The following EPB42 variants were observed in gnomAD, a reference collection of about 807,000 sequenced individuals.
EPB42 encodes protein 4.2.
In EPB42, 49 loss-of-function variants were observed where a neutral mutation model predicts 76.9. That is an observed-to-expected ratio of 0.64 (90% confidence interval 0.51 to 0.81). The LOEUF (loss-of-function observed/expected upper bound fraction) is 0.81. Among genes scored for constraint, EPB42 ranks in the 30% least tolerant of loss-of-function variants. EPB42 has a pLI of 0.00. For missense variants in EPB42, 731 were observed against 867.6 expected (o/e 0.84, Z 1.98); for synonymous variants, 310 against 338.4 (o/e 0.92, Z 0.92).
chr15:43,219,978 C>T (rs942996734), intron 1 of EPB42, among the ~76,000 whole-genome samples: 9 of 151,636 alleles, frequency 5.9e-5, no homozygotes, highest in African/African-American at 2.2e-4. Context: ...TTATTGGTGT[C>T]TGCCCTATTT....
At chr15:43,216,817 C>A (rs2142321202) in intron 1 of EPB42, among the ~76,000 whole-genome samples, 1 of 152,278 alleles carries the variant, frequency 6.6e-6, no homozygotes, top group South Asian at 2.1e-4. Flanking sequence ...GAATAAAACC[C>A]AAAATCTTTC....
intron 1 of EPB42, among the ~76,000 whole-genome samples, chr15:43,217,622 T>C (rs909250618): frequency 1.1e-4 from 17 of 152,342 alleles, no homozygotes; most frequent in African/African-American, 4.1e-4. Flanking sequence ...CAGAAGGCCA[T>C]TGGGAATCTC....
At position 43,220,649 on chromosome 15, in the gene EPB42, ACC is replaced by A. The variant is rs3832982; in HGVS notation, c.10+165_10+166del. The A allele has an allele frequency of 1.6e-3, 612 of 387,552 alleles. 1 individual carries two copies. The highest frequency in any genetic ancestry group is 3.3e-3 in the East Asian group (47 of 14,164). 24.0% of individuals were successfully genotyped at this position (387,552 alleles called of 1,614,324 possible). On this transcript the variant is annotated intron_variant, in intron 1 of 12. Transcript: ENST00000441366. ...ACCTCTACCAGCACCCACCTACCAC[ACC>A]CCCCCCCCACAGCCACCTCATTATC...
At position 43,203,275 on chromosome 15, in the gene EPB42, T is replaced by C. The variant is rs377523204; in HGVS notation, c.1619A>G (p.Glu540Gly). The change falls in exon 11 of 13, where the codon GAA becomes GGA. Residue 540 changes from glutamate (E) to glycine (G), a missense_variant and splice_region_variant. Glu to Gly is a moderately conservative substitution (Grantham distance 98). Coordinates refer to ENST00000441366, the MANE Select transcript of EPB42 (RefSeq NM_001114134.2). ...KLHLTLSANL[E>G]KIITIGLFFS... ...GAACAGGCCGATGGTTATTATCTTT[T>C]CTGAAACACATGACAGGTGGAGTCA... 9.3e-6 allele frequency: 15 copies of C among 1,614,182 alleles called. No individual in the cohort carries two copies. The highest frequency in any genetic ancestry group is 1.6e-4 in the Middle Eastern group (1 of 6,062).
chr15:43,207,383 C>G lies in EPB42; in HGVS notation c.1134G>C (p.Leu378=), dbSNP rs1417328642. The change falls in exon 9 of 13, where the codon CTG becomes CTC. Residue 378 remains leucine, a synonymous_variant. Coordinates refer to ENST00000441366, the MANE Select transcript of EPB42 (RefSeq NM_001114134.2). ...CAAAAAGGTCTGACACTGCTGGGGT[C>G]AGCCCCAGCGTCCCCTCCTTGACTG... ...VRAVKEGTLG[L]TPAVSDLFAA... 10 of 1,614,182 alleles carry G rather than the reference C, an allele frequency of 6.2e-6. No individual in the cohort carries two copies. Among genetic ancestry groups the G allele is most frequent in the Non-Finnish European group, 8.5e-6 (10 of 1,180,018 alleles).
intron 11 of EPB42, 85 bp downstream of exon 11, chr15:43,203,030 T>C (rs2042149057): frequency 5.3e-6 from 8 of 1,521,930 alleles, no homozygotes; most frequent in Non-Finnish European, 7.3e-6. Flanking sequence ...CACAGTCATC[T>C]GCTCTGAAGG....
At chr15:43,219,825 A>G (rs1385087285) in intron 1 of EPB42, among the ~76,000 whole-genome samples, 1 of 152,024 alleles carries the variant, frequency 6.6e-6, no homozygotes, top group African/African-American at 2.4e-5. Flanking sequence ...GGGTGCCTGT[A>G]GTCCCAGCTA....
Position 43,207,223 on chromosome 15 carries a change from T to A in EPB42, c.1294A>T (p.Thr432Ser). Residue 432 changes from threonine (T) to serine (S), a missense_variant, in exon 9 of 13, where the codon ACT (threonine) becomes TCT (serine). Thr to Ser is a moderately conservative substitution (Grantham distance 58). Coordinates refer to ENST00000441366, the MANE Select transcript of EPB42 (RefSeq NM_001114134.2). Reference sequence around the variant, plus strand: ...CCTTCAGGATACTTGTAGTTCTGAGTGATGTCCTCGCAGCGGTCACTGCCC... The same window carrying A: ...CCTTCAGGATACTTGTAGTTCTGAGAGATGTCCTCGCAGCGGTCACTGCCC... ...GVGSDRCEDI[T>S]QNYKYPEGSL... 1 of 1,614,040 alleles carries A rather than the reference T, an allele frequency of 6.2e-7. No individual in the cohort carries two copies. Among genetic ancestry groups the A allele is most frequent in the Non-Finnish European group, 8.5e-7 (1 of 1,179,954 alleles).
chr15:43,211,317 T>C, intron 4 of EPB42, 99 bp downstream of exon 4: 1 of 822,802 alleles, frequency 1.2e-6, no homozygotes, highest in Non-Finnish European at 2.2e-6. Context: ...AATGGTCTCA[T>C]GACCAGGGGT....
intron 8 of EPB42, 145 bp from the exon 9 acceptor site, chr15:43,207,586 G>A: frequency 7.4e-7 from 1 of 1,357,394 alleles, no homozygotes; most frequent in Non-Finnish European, 1.0e-6. Flanking sequence ...CAGGGTTTCT[G>A]AGAGAGTCAC....
rs1168643895 is a variant in EPB42 at position 43,197,309 on chromosome 15, G to C, written c.2069C>G (p.Ser690Ter). The C allele has an allele frequency of 1.2e-6, 2 of 1,614,218 alleles. No individual in the cohort carries two copies. The highest frequency in any genetic ancestry group is 1.3e-5 in the African/African-American group (1 of 75,058). ...KSVTVVAPEL[S>*]A ...GGTGATAGAGCTGGAAGTTTAAGCT[G>C]ATAGTTCAGGGGCTACCACGGTGAC... The change falls in exon 13 of 13, where the codon TCA (serine) becomes TGA (stop). Residue 690 changes from serine to a stop codon, truncating the protein, a stop_gained. Coordinates refer to ENST00000441366, the MANE Select transcript of EPB42 (RefSeq NM_001114134.2). LOFTEE classifies it high-confidence loss of function.
At chr15:43,203,017 C>CAGCACAGTCATCTGCTCTGA in intron 11 of EPB42, 98 bp downstream of exon 11, 1 of 1,448,302 alleles carries the variant, frequency 6.9e-7, no homozygotes. Context: ...GGTAATCTTG[C>CAGCACAGTCATCTGCTCTGA]AGCACAGTCA....
At chr15:43,212,869 G>T (rs781729679) in intron 3 of EPB42, among the ~76,000 whole-genome samples, 5 of 152,184 alleles carry the variant, frequency 3.3e-5, no homozygotes, top group Non-Finnish European at 5.9e-5. Context: ...ACAGGGGTTA[G>T]ACTAGTTTCT....
chr15:43,222,721 G>A (rs950178079), upstream of EPB42, among the ~76,000 whole-genome samples: 1 of 152,186 alleles, frequency 6.6e-6, no homozygotes, highest in Non-Finnish European at 1.5e-5. Flanking sequence ...TGTATTAAAT[G>A]TATGCTAAAT....
In EPB42 at chr15:43,209,371, G is replaced by A. The variant is rs774169380; in HGVS notation, c.735C>T (p.Arg245=). Residue 245 remains arginine (R), a synonymous_variant, in exon 6 of 13, where the codon CGC becomes CGT. Transcript: ENST00000441366. ...GCCGCAGGATGGGCACGCTGCCCCG[G>A]CGCTTGTTCAGCAAGGCCCCTTCCT... is the stretch of plus-strand genomic sequence containing the variant. ...ATQEGALLNK[R]RGSVPILRQW... 4 of 1,614,070 alleles carry A rather than the reference G, an allele frequency of 2.5e-6. No individual in the cohort carries two copies. Among genetic ancestry groups the A allele is most frequent in the African/African-American group, 2.7e-5 (2 of 75,070 alleles).
chr15:43,211,317 T>A, intron 4 of EPB42, 99 bp downstream of exon 4: 1 of 822,802 alleles, frequency 1.2e-6, no homozygotes, highest in East Asian at 2.4e-5. Context: ...AATGGTCTCA[T>A]GACCAGGGGT....
Position 43,206,767 on chromosome 15 carries a change from A to T in EPB42, c.1319-138T>A. On this transcript the variant is annotated intron_variant, in intron 9 of 12. Coordinates refer to ENST00000441366, the MANE Select transcript of EPB42 (RefSeq NM_001114134.2). This position sits in a 1 kb window ranked among gnomAD's most constrained non-coding sequence, Gnocchi z 4.7. ...AAGAACTCAGCAAGCCTCTAAGGCC[A>T]TATTTAGCCCAAAAATGTCTGTGTC... 1 of 1,037,562 alleles carries T rather than the reference A, an allele frequency of 9.6e-7. No individual in the cohort carries two copies. The highest frequency in any genetic ancestry group is 2.6e-5 in the East Asian group (1 of 39,190). The allele number at this position is 1,037,562 out of a possible 1,614,324, so 64.3% of individuals were successfully genotyped here.
intron 12 of EPB42, among the ~76,000 whole-genome samples, chr15:43,199,702 G>C (rs974050563): frequency 2.0e-5 from 3 of 152,168 alleles, no homozygotes; most frequent in South Asian, 4.1e-4. Flanking sequence ...TGATTTTGCT[G>C]TGTCCCCACC....
rs570835044 is a variant in EPB42 at position 43,211,564 on chromosome 15, T to G, written c.431-30A>C. The G allele has an allele frequency of 6.6e-5, 95 of 1,449,752 alleles. No individual in the cohort carries two copies. In the Middle Eastern group the frequency reaches 6.9e-4, roughly 10 times the overall value. The allele number at this position is 1,449,752 out of a possible 1,614,324, so 89.8% of individuals were successfully genotyped here. A position where few individuals can be genotyped will look rare whatever the true frequency, so the allele number is the denominator to read the frequency against. On this transcript the variant is annotated intron_variant, in intron 3 of 12. Coordinates refer to ENST00000441366, the MANE Select transcript of EPB42 (RefSeq NM_001114134.2). ...TGAGAGGTGGGTAGGGATGAGGGCC[T>G]GTGGGGGTCCTAGGTCCACCCTCCA...
Sources: allele counts gnomAD v4.1 joint callset (sites outside exome capture counted in the v4.1 genomes callset), GRCh38; gene constraint gnomAD v4.1.1; non-coding constraint Gnocchi (gnomAD v3.1); transcripts MANE v1.5; gene names NCBI Gene and HGNC (gene_info 2026-07-23, HGNC 2026-07-21).